GRIN2B: variants seen among roughly 807,000 people sequenced by gnomAD.
The protein encoded by GRIN2B is glutamate receptor ionotropic, NMDA 2B.
Under a neutral mutation model 114.5 loss-of-function variants are expected in GRIN2B, and 5 were observed. The ratio of observed to expected loss-of-function variants is 0.04; its 90% CI spans 0.02 to 0.09. The LOEUF (loss-of-function observed/expected upper bound fraction) is 0.09. Among genes scored for constraint, GRIN2B ranks in the 10% least tolerant of loss-of-function variants. The pLI, the probability that GRIN2B is intolerant of heterozygous loss-of-function variation, is 1.00. For missense variants in GRIN2B, 1,108 were observed against 1,943.5 expected (o/e 0.57, Z 8.08); for synonymous variants, 787 against 745.1 (o/e 1.06, Z -0.92).
chr12:13,971,719 A>G (rs577321128), intron 2 of GRIN2B, among the ~76,000 whole-genome samples: 7 of 152,218 alleles, frequency 4.6e-5, no homozygotes, highest in South Asian at 4.1e-4. Context: ...GGCACCCTCA[A>G]TAAAGACTAA....
chr12:13,899,505 G>A (rs1866409002), intron 2 of GRIN2B, among the ~76,000 whole-genome samples: 1 of 135,192 alleles, frequency 7.4e-6, no homozygotes, highest in African/African-American at 2.5e-5. Flanking sequence ...GAGGGGTGTT[G>A]TCTCCTCTTG....
intron 5 of GRIN2B, among the ~76,000 whole-genome samples, chr12:13,624,517 C>G (rs1949549664): frequency 6.6e-6 from 1 of 152,258 alleles, no homozygotes; most frequent in African/African-American, 2.4e-5. Flanking sequence ...GATGCTTCTT[C>G]TCCTAATTAT....
At chr12:13,951,344 C>T (rs1867474937) in intron 2 of GRIN2B, among the ~76,000 whole-genome samples, 1 of 152,158 alleles carries the variant, frequency 6.6e-6, no homozygotes, top group South Asian at 2.1e-4. Flanking sequence ...TGAGCAGTCT[C>T]TGCCTGGTAG....
intron 2 of GRIN2B, among the ~76,000 whole-genome samples, chr12:13,888,611 G>C (rs1201688341): frequency 6.6e-6 from 1 of 151,738 alleles, no homozygotes; most frequent in Non-Finnish European, 1.5e-5. Flanking sequence ...GTGCACTCCT[G>C]TGATCCCAGC....
intron 5 of GRIN2B, among the ~76,000 whole-genome samples, chr12:13,654,070 A>C (rs11611183): frequency 0.079 from 12,037 of 152,216 alleles, 508 homozygotes; most frequent in Non-Finnish European, 0.1. Flanking sequence ...CTATGCTTCC[A>C]GTATTTTCTG....
intron 2 of GRIN2B, among the ~76,000 whole-genome samples, chr12:13,922,138 A>G (rs1050214943): frequency 6.6e-6 from 1 of 152,164 alleles, no homozygotes; most frequent in African/African-American, 2.4e-5. Flanking sequence ...ATCATTATCA[A>G]TTTTTACTGG....
At chr12:13,921,920 G>A (rs1310392308) in intron 2 of GRIN2B, among the ~76,000 whole-genome samples, 6 of 152,096 alleles carry the variant, frequency 3.9e-5, no homozygotes, top group Admixed American at 3.9e-4. Context: ...TGGCAACAGA[G>A]GTTAAATGAT....
intron 3 of GRIN2B, among the ~76,000 whole-genome samples, chr12:13,862,189 T>C (rs541232427): frequency 6.6e-6 from 1 of 152,302 alleles, no homozygotes; most frequent in Non-Finnish European, 1.5e-5. Context: ...ATTAATGTTC[T>C]TACTGATTAA....
intron 4 of GRIN2B, among the ~76,000 whole-genome samples, chr12:13,730,942 C>T (rs570596883): frequency 1.3e-5 from 2 of 152,132 alleles, no homozygotes; most frequent in Non-Finnish European, 2.9e-5. Context: ...AACACGTGCA[C>T]CTATACAGCT....
rs964443230 is a variant in GRIN2B, at chr12:13,564,694, C to CA, written c.2599-56dup. 2.0e-6 allele frequency: 3 copies of CA among 1,465,710 alleles called. No individual in the cohort carries two copies. Among genetic ancestry groups the CA allele is most frequent in the South Asian group, 2.3e-5 (2 of 87,940 alleles). 90.8% of individuals were successfully genotyped at this position (1,465,710 alleles called of 1,614,324 possible). Reference sequence around the variant, plus strand: ...TCTCCAGAGAGGCTAGAAATGACCACAAAAAACACTCTCCCACCAATAATT... The same window carrying CA: ...TCTCCAGAGAGGCTAGAAATGACCACAAAAAAACACTCTCCCACCAATAATT... On this transcript the variant is annotated intron_variant, in intron 13 of 13. Transcript: ENST00000609686. The surrounding 1 kb of genome is among the most constrained non-coding windows in gnomAD (Gnocchi z 4.8).
At position 13,561,373 on chromosome 12, in the gene GRIN2B, C is replaced by T. The variant is rs1948540865; in HGVS notation, c.*1410G>A. 2 of 152,518 alleles carry T rather than the reference C, an allele frequency of 1.3e-5. No homozygotes were observed. The highest frequency in any genetic ancestry group is 4.8e-5 in the African/African-American group (2 of 41,512). The allele number at this position is 152,518 out of a possible 1,614,324, so 9.4% of individuals were successfully genotyped here. A position where few individuals can be genotyped will look rare whatever the true frequency, so the allele number is the denominator to read the frequency against. On this transcript the variant is annotated 3_prime_UTR_variant, in exon 14 of 14. Transcript: ENST00000609686. ...CCGTCTCCCATTTCCAAGTCTCTTC[C>T]CCTCTTTTCGTACCTCCAGAGCTGC... is the stretch of plus-strand genomic sequence containing the variant.
In GRIN2B at chr12:13,615,476, C is replaced by T. The variant is rs1949425440; in HGVS notation, c.1500+17G>A. 2 of 1,601,212 alleles carry T rather than the reference C, an allele frequency of 1.2e-6. No homozygotes were observed. Among genetic ancestry groups the T allele is most frequent in the East Asian group, 2.2e-5 (1 of 44,810 alleles). ...TAAATGAAAATGGAAATGGAAACAG[C>T]CCTTGTGGACACTCACCTCTCCAAT... On this transcript the variant is annotated intron_variant, in intron 7 of 13. Transcript: ENST00000609686. The surrounding 1 kb of genome is among the most constrained non-coding windows in gnomAD (Gnocchi z 5.8).
intron 4 of GRIN2B, among the ~76,000 whole-genome samples, chr12:13,749,084 T>C (rs1863436205): frequency 1.3e-5 from 2 of 152,246 alleles, no homozygotes. Context: ...AGTGAGGAAT[T>C]TGGATTAACA....
At chr12:13,960,749 T>C (rs970221937) in intron 2 of GRIN2B, among the ~76,000 whole-genome samples, 1 of 152,182 alleles carries the variant, frequency 6.6e-6, no homozygotes, top group African/African-American at 2.4e-5. Context: ...ACAGGAAGTA[T>C]TGTGTGACAG....
rs540048705 is a variant in GRIN2B at position 13,973,594 on chromosome 12, C to A, written c.-19+6334G>T. Among the ~76,000 whole-genome samples, 23 of 152,280 alleles carry A rather than the reference C, an allele frequency of 1.5e-4. 1 individual carries two copies. The highest frequency in any genetic ancestry group is 3.4e-3 in the Middle Eastern group (1 of 294). ...CCTTCTCAGGGACCCTGGGCACAGCCTCATCACTGTGCCTCCCCTGCTCTG... is the reference window on the plus strand; with the variant it reads ...CCTTCTCAGGGACCCTGGGCACAGCATCATCACTGTGCCTCCCCTGCTCTG... On this transcript the variant is annotated intron_variant, in intron 2 of 13. Transcript: ENST00000609686.
At chr12:13,575,321 G>C (rs1217006728) in intron 10 of GRIN2B, among the ~76,000 whole-genome samples, 1 of 152,128 alleles carries the variant, frequency 6.6e-6, no homozygotes, top group African/African-American at 2.4e-5. Context: ...AAAGGAATTA[G>C]ATAATAACAT....
chr12:13,846,688 G>T (rs1405099783), intron 3 of GRIN2B, among the ~76,000 whole-genome samples: 1 of 152,238 alleles, frequency 6.6e-6, no homozygotes, highest in Non-Finnish European at 1.5e-5. Context: ...GCCACGAAGG[G>T]CCCAGAAACA....
chr12:13,980,917 G>A (rs1863122547), intron 1 of GRIN2B, among the ~76,000 whole-genome samples: 1 of 151,924 alleles, frequency 6.6e-6, no homozygotes, highest in African/African-American at 2.4e-5. Flanking sequence ...CGCCCCCGAC[G>A]CGCACGCGCC....
intron 5 of GRIN2B, among the ~76,000 whole-genome samples, chr12:13,617,957 G>A (rs1490786609): frequency 6.6e-6 from 1 of 152,172 alleles, no homozygotes; most frequent in African/African-American, 2.4e-5. Context: ...GGTGGCATAG[G>A]CTATCTTATT....
Sources: allele counts gnomAD v4.1 joint callset (sites outside exome capture counted in the v4.1 genomes callset), GRCh38; gene constraint gnomAD v4.1.1; non-coding constraint Gnocchi (gnomAD v3.1); transcripts MANE v1.5; gene names NCBI Gene and HGNC (gene_info 2026-07-23, HGNC 2026-07-21).